The following LPIN2 variants were observed in gnomAD, a reference collection of about 807,000 sequenced individuals.
LPIN2 encodes lipin 2, also known as phosphatidate phosphatase LPIN2.
Under a neutral mutation model 111.4 loss-of-function variants are expected in LPIN2, and 55 were observed. The ratio of observed to expected loss-of-function variants is 0.49; its 90% CI spans 0.40 to 0.62. The LOEUF is 0.62. Ranked by LOEUF, LPIN2 falls within the 20% of genes least tolerant of loss-of-function variation. LPIN2 has a pLI of 0.00. For missense variants in LPIN2, 992 were observed against 1,112.1 expected (o/e 0.89, Z 1.54); for synonymous variants, 425 against 414.0 (o/e 1.03, Z -0.32).
chr18:2,978,038 A>G (rs1267813607), intron 1 of LPIN2, among the ~76,000 whole-genome samples: 1 of 152,004 alleles, frequency 6.6e-6, no homozygotes, highest in Non-Finnish European at 1.5e-5. Context: ...TAAAAACACA[A>G]AAAGAAGCCG....
At chr18:2,991,734 G>A (rs769461002) in intron 1 of LPIN2, among the ~76,000 whole-genome samples, 8 of 151,836 alleles carry the variant, frequency 5.3e-5, no homozygotes, top group Non-Finnish European at 8.8e-5. Context: ...TAATAAGGCC[G>A]GGCACAGTGG....
Position 2,960,787 on chromosome 18 carries a change from G to C in LPIN2, c.54C>G (p.Leu18=). The change falls in exon 2 of 20, where the codon CTC becomes CTG. Residue 18 remains leucine (L), a synonymous_variant. Transcript: ENST00000677752. The part of the protein sequence containing the change: ...AGQVIVTVKE[L]YKGINQATLS... ...GGGTGGCCTGGTTAATGCCCTTGTA[G>C]AGTTCCTTCACAGTGACAATCACCT... 1.2e-6 allele frequency: 2 copies of C among 1,614,104 alleles called. No individual in the cohort carries two copies. Among genetic ancestry groups the C allele is most frequent in the Non-Finnish European group, 1.7e-6 (2 of 1,180,014 alleles).
chr18:2,942,455 A>G (rs2077379000), intron 4 of LPIN2, among the ~76,000 whole-genome samples: 1 of 152,206 alleles, frequency 6.6e-6, no homozygotes, highest in Admixed American at 6.5e-5. Flanking sequence ...AACAATGTAA[A>G]AGTCACACAA....
chr18:2,920,323 G>A lies in LPIN2; in HGVS notation c.2661C>T (p.Ile887=), dbSNP rs765541465. 3.1e-6 allele frequency: 5 copies of A among 1,614,060 alleles called. No homozygotes were observed. Among genetic ancestry groups the A allele is most frequent in the African/African-American group, 2.7e-5 (2 of 74,940 alleles). ...ACAGGTCATCCAGGTCCACTTCAGGGATCGGGTCTCGCCAGTAGCAGAAGG... is the reference window on the plus strand; with the variant it reads ...ACAGGTCATCCAGGTCCACTTCAGGAATCGGGTCTCGCCAGTAGCAGAAGG... ...FSSFCYWRDP[I]PEVDLDDLS The change falls in exon 20 of 20, where the codon ATC becomes ATT. Residue 887 remains isoleucine, a synonymous_variant. Coordinates refer to ENST00000677752, the MANE Select transcript of LPIN2 (RefSeq NM_001375808.2).
chr18:2,925,842 CG>C lies in LPIN2; in HGVS notation c.1794-475del, dbSNP rs1339109370. ...GCAACATAGGGAGACCCAGTTTCTA[CG>C]GAACATTTAAAAATTAGCCAGGGGT... On this transcript the variant is annotated intron_variant, in intron 13 of 19. Transcript: ENST00000677752. The surrounding 1 kb of genome is among the most constrained non-coding windows in gnomAD (Gnocchi z 4.1). Among the ~76,000 whole-genome samples the C allele has an allele frequency of 6.6e-6, 1 of 152,062 alleles. No homozygotes were observed. The highest frequency in any genetic ancestry group is 1.5e-5 in the Non-Finnish European group (1 of 68,000).
intron 16 of LPIN2, among the ~76,000 whole-genome samples, chr18:2,922,939 A>G (rs1375967628): frequency 6.6e-6 from 1 of 152,150 alleles, no homozygotes; most frequent in Non-Finnish European, 1.5e-5. Context: ...CATATTCGTA[A>G]TTTTCATATT....
intron 1 of LPIN2, chr18:2,982,650 T>C (rs559191721): frequency 1.4e-5 from 17 of 1,193,306 alleles, no homozygotes; most frequent in East Asian, 1.1e-4. Context: ...AGCAGGGACA[T>C]TGGGAGATGT....
At position 2,984,678 on chromosome 18, in the gene LPIN2, G is replaced by A. The variant is rs1043352675; in HGVS notation, c.-9-23829C>T. 7.2e-5 allele frequency among the ~76,000 whole-genome samples: 11 copies of A among 152,284 alleles called. No homozygotes were observed. In the East Asian group the frequency reaches 1.2e-3, roughly 16 times the overall value. ...AGCAGGAGAAGGGGAAAACTGTAAG[G>A]AGGGTGGAAAGAAGAAAGACAAAAA... On this transcript the variant is annotated intron_variant, in intron 1 of 19. Coordinates refer to ENST00000677752, the MANE Select transcript of LPIN2 (RefSeq NM_001375808.2).
intron 4 of LPIN2, chr18:2,946,766 CT>C (rs2077458869): frequency 2.0e-6 from 1 of 506,216 alleles, no homozygotes; most frequent in Non-Finnish European, 3.6e-6. Flanking sequence ...AGTGGGGCTG[CT>C]AACCACCATA....
intron 8 of LPIN2, among the ~76,000 whole-genome samples, chr18:2,933,716 C>A (rs2077245848): frequency 6.6e-6 from 1 of 152,188 alleles, no homozygotes; most frequent in Non-Finnish European, 1.5e-5. Context: ...TTTCTAACCA[C>A]AGAGTAGCAG....
chr18:2,919,957 G>C lies in LPIN2; in HGVS notation c.*336C>G. 2.5e-6 allele frequency: 1 copy of C among 397,186 alleles called. No individual in the cohort carries two copies. Among genetic ancestry groups the C allele is most frequent in the South Asian group, 2.2e-5 (1 of 46,096 alleles). 24.6% of individuals were successfully genotyped at this position (397,186 alleles called of 1,614,324 possible). On this transcript the variant is annotated 3_prime_UTR_variant, in exon 20 of 20. Coordinates refer to ENST00000677752, the MANE Select transcript of LPIN2 (RefSeq NM_001375808.2). ...ACACTTCACTGTGTGCAGTGTTTTG[G>C]TCCACTCTTTTTTAGCTGCTTTTTT...
Position 2,925,188 on chromosome 18 carries a change from A to G in LPIN2, c.1938+36T>C, listed in dbSNP as rs777154784. On this transcript the variant is annotated intron_variant, in intron 14 of 19. Transcript: ENST00000677752. This position sits in a 1 kb window ranked among gnomAD's most constrained non-coding sequence, Gnocchi z 4.1. ...ATCAAATTAAACCATTACTAAAATA[A>G]GTCCTACTGGACAACACAGATCATG... 1 of 1,613,198 alleles carries G rather than the reference A, an allele frequency of 6.2e-7. No homozygotes were observed. The highest frequency in any genetic ancestry group is 8.5e-7 in the Non-Finnish European group (1 of 1,179,164).
At chr18:2,938,803 A>C (rs577245060) in intron 6 of LPIN2, among the ~76,000 whole-genome samples, 1 of 152,332 alleles carries the variant, frequency 6.6e-6, no homozygotes, top group Admixed American at 6.5e-5. Flanking sequence ...TTATCTTCTC[A>C]GTTCTTTCTT....
At chr18:2,998,826 C>T (rs1330791125) in intron 1 of LPIN2, among the ~76,000 whole-genome samples, 1 of 152,202 alleles carries the variant, frequency 6.6e-6, no homozygotes. Flanking sequence ...TTTACTTTCT[C>T]ATAAGACACT....
intron 4 of LPIN2, chr18:2,946,501 C>T (rs2077453693): frequency 6.4e-7 from 1 of 1,566,278 alleles, no homozygotes; most frequent in Admixed American, 1.7e-5. Flanking sequence ...GATCGAAGCG[C>T]TGACCGCAGC....
chr18:2,985,292 T>A (rs1336597610), intron 1 of LPIN2: 1 of 152,200 alleles, frequency 6.6e-6, no homozygotes, highest in Non-Finnish European at 1.5e-5. Flanking sequence ...GATGGATAAA[T>A]GTTAAAAATC....
chr18:3,008,356 C>T (rs750575964), intron 1 of LPIN2, among the ~76,000 whole-genome samples: 6 of 152,212 alleles, frequency 3.9e-5, no homozygotes, highest in Non-Finnish European at 7.3e-5. Context: ...GTGGGAGGAT[C>T]GCTTGAGCCC....
At chr18:2,949,194 A>G (rs1035985504) in intron 4 of LPIN2, among the ~76,000 whole-genome samples, 1 of 152,210 alleles carries the variant, frequency 6.6e-6, no homozygotes, top group African/African-American at 2.4e-5. Context: ...AGGACAAATA[A>G]CCTTTAAAAG....
intron 1 of LPIN2, among the ~76,000 whole-genome samples, chr18:2,961,266 A>C (rs1298442828): frequency 6.6e-6 from 1 of 152,216 alleles, no homozygotes; most frequent in Non-Finnish European, 1.5e-5. Flanking sequence ...AAAAACAAAC[A>C]TCATCCCCGG....
Sources: gnomAD v4.1 joint callset for allele counts (sites outside exome capture counted in the v4.1 genomes callset) on GRCh38, gnomAD v4.1.1 for gene constraint, Gnocchi (gnomAD v3.1) non-coding constraint, MANE v1.5 for transcripts, NCBI Gene and HGNC (gene_info 2026-07-23, HGNC 2026-07-21) for gene names.